The following LIFR variants were observed in gnomAD, a reference collection of about 807,000 sequenced individuals.
LIFR encodes leukemia inhibitory factor receptor.
In LIFR, 84 loss-of-function variants were observed where a neutral mutation model predicts 122.2. The ratio of observed to expected loss-of-function variants is 0.69; its 90% CI spans 0.58 to 0.82. The LOEUF (loss-of-function observed/expected upper bound fraction) is 0.82. Ranked by LOEUF, LIFR falls within the 40% of genes least tolerant of loss-of-function variation. The pLI, the probability that LIFR is intolerant of heterozygous loss-of-function variation, is 0.00. For missense variants in LIFR, 1,294 were observed against 1,311.6 expected (o/e 0.99, Z 0.21); for synonymous variants, 422 against 434.7 (o/e 0.97, Z 0.36).
intron 1 of LIFR, among the ~76,000 whole-genome samples, chr5:38,593,144 G>T (rs554773395): frequency 6.6e-6 from 1 of 151,708 alleles, no homozygotes; most frequent in Admixed American, 6.6e-5. Flanking sequence ...CGGAGGTTGC[G>T]GTGAGCCGAG....
intron 2 of LIFR, among the ~76,000 whole-genome samples, chr5:38,603,376 G>C (rs1750259594): frequency 6.6e-6 from 1 of 152,170 alleles, no homozygotes; most frequent in Non-Finnish European, 1.5e-5. Context: ...GTCACACTAT[G>C]AGTTATTTTA....
chr5:38,539,601 C>G lies in LIFR; in HGVS notation c.-19-8935G>C, dbSNP rs61442188. 6.0e-3 allele frequency among the ~76,000 whole-genome samples: 917 copies of G among 152,094 alleles called. 11 individuals carry two copies. Among genetic ancestry groups the G allele is most frequent in the African/African-American group, 0.021 (852 of 41,464 alleles). On this transcript the variant is annotated intron_variant, in intron 1 of 19. Coordinates refer to ENST00000453190, the MANE Select transcript of LIFR (RefSeq NM_001127671.2). ...GTAAGCTGACAAACTTTATGCTTTT[C>G]AATGAACCTGTTTGCTATACAAAAA... is the stretch of plus-strand genomic sequence containing the variant.
At chr5:38,590,665 C>T (rs1166860673) in intron 1 of LIFR, among the ~76,000 whole-genome samples, 1 of 152,198 alleles carries the variant, frequency 6.6e-6, no homozygotes, top group Admixed American at 6.5e-5. Context: ...ATTGAGTCCT[C>T]ACTATGTACC....
intron 19 of LIFR, 91 bp downstream of exon 19, chr5:38,482,497 TA>T: frequency 2.7e-6 from 2 of 742,116 alleles, no homozygotes; most frequent in Non-Finnish European, 4.5e-6. Flanking sequence ...ACTTTTTAAT[TA>T]AAATGACATT....
chr5:38,490,206 T>G lies in LIFR; in HGVS notation c.2151A>C (p.Gly717=). 6.6e-7 allele frequency: 1 copy of G among 1,521,636 alleles called. No homozygotes were observed. Among genetic ancestry groups the G allele is most frequent in the Non-Finnish European group, 9.1e-7 (1 of 1,100,776 alleles). The allele number at this position is 1,521,636 out of a possible 1,614,324, so 94.3% of individuals were successfully genotyped here. ...QGYQLLRSMI[G]YIEELAPIVA... is the part of the protein sequence containing the mutation. ...TTAACTTACCCAATTCTTCTATATA[T>G]CCAATCATGGAGCGTAATAATTGAT... Residue 717 remains glycine (G), a synonymous_variant, in exon 15 of 20, where the codon GGA becomes GGC. Transcript: ENST00000453190.
At chr5:38,491,945 A>G (rs1332700086) in intron 14 of LIFR, among the ~76,000 whole-genome samples, 1 of 152,194 alleles carries the variant, frequency 6.6e-6, no homozygotes, top group Non-Finnish European at 1.5e-5. Flanking sequence ...ACAATATTTT[A>G]TAGGGCTCTG....
intron 1 of LIFR, among the ~76,000 whole-genome samples, chr5:38,532,412 A>AT (rs1270443328): frequency 2.0e-5 from 3 of 152,216 alleles, no homozygotes; most frequent in African/African-American, 7.2e-5. Flanking sequence ...CAGGATCCAC[A>AT]TAAGAGACTT....
chr5:38,536,286 A>G (rs978686904), intron 1 of LIFR, among the ~76,000 whole-genome samples: 3 of 152,190 alleles, frequency 2.0e-5, no homozygotes, highest in Admixed American at 1.3e-4. Flanking sequence ...AGATTCAACC[A>G]ACCTTGGATT....
upstream of LIFR, among the ~76,000 whole-genome samples, chr5:38,596,978 T>C (rs139990980): frequency 3.2e-3 from 489 of 152,360 alleles, 3 homozygotes; most frequent in African/African-American, 0.011. Flanking sequence ...AGGTGTTATT[T>C]TGGGGAGCCT....
chr5:38,591,599 G>A (rs1749923395), intron 1 of LIFR, among the ~76,000 whole-genome samples: 1 of 152,202 alleles, frequency 6.6e-6, no homozygotes, highest in African/African-American at 2.4e-5. Flanking sequence ...GCAGATGTTT[G>A]AAGGACACCA....
chr5:38,527,931 A>C (rs1376028673), intron 3 of LIFR, among the ~76,000 whole-genome samples: 1 of 152,170 alleles, frequency 6.6e-6, no homozygotes, highest in Non-Finnish European at 1.5e-5. Context: ...AGGACTTTCC[A>C]TGCCTCTTGC....
At chr5:38,501,997 A>C (rs1174302296) in intron 11 of LIFR, among the ~76,000 whole-genome samples, 1 of 151,336 alleles carries the variant, frequency 6.6e-6, no homozygotes, top group Non-Finnish European at 1.5e-5. Flanking sequence ...TTTTTTTAAA[A>C]AAAAGGCCAA....
chr5:38,576,211 A>G (rs1359906441), intron 1 of LIFR, among the ~76,000 whole-genome samples: 2 of 152,180 alleles, frequency 1.3e-5, no homozygotes, highest in South Asian at 2.1e-4. Context: ...CTAAGTCACT[A>G]TCATCTCTTG....
intron 1 of LIFR, among the ~76,000 whole-genome samples, chr5:38,594,296 G>A (rs1157586468): frequency 6.6e-6 from 1 of 152,126 alleles, no homozygotes; most frequent in East Asian, 1.9e-4. Flanking sequence ...AAAGAAGGAT[G>A]AACAGATGGA....
chr5:38,558,850 C>T (rs1034073704), upstream of LIFR: 1 of 152,130 alleles, frequency 6.6e-6, no homozygotes, highest in African/African-American at 2.4e-5. Flanking sequence ...CATTTCTCTC[C>T]CTAACAAGTG....
At chr5:38,534,750 G>A (rs184132132) in intron 1 of LIFR, among the ~76,000 whole-genome samples, 65 of 152,244 alleles carry the variant, frequency 4.3e-4, no homozygotes, top group Non-Finnish European at 8.5e-4. Flanking sequence ...TGTGACTTGC[G>A]GTGTGAGTGT....
chr5:38,569,660 A>T (rs1749145992), intron 1 of LIFR, among the ~76,000 whole-genome samples: 1 of 152,108 alleles, frequency 6.6e-6, no homozygotes, highest in Non-Finnish European at 1.5e-5. Context: ...TGGTGCCAGA[A>T]AGTTTGGGGA....
At chr5:38,490,383 T>C in intron 14 of LIFR, 92 bp from the exon 15 acceptor site, 1 of 551,840 alleles carries the variant, frequency 1.8e-6, no homozygotes, top group South Asian at 2.9e-5. Flanking sequence ...CTCTAAAATT[T>C]CCAAAGCTAA....
At chr5:38,549,497 T>C (rs1326142995) in intron 1 of LIFR, among the ~76,000 whole-genome samples, 1 of 152,230 alleles carries the variant, frequency 6.6e-6, no homozygotes, top group East Asian at 1.9e-4. Context: ...ATAACTATTA[T>C]AAACAAACTT....
Sources: gnomAD v4.1 joint callset for allele counts (sites outside exome capture counted in the v4.1 genomes callset) on GRCh38, gnomAD v4.1.1 for gene constraint, MANE v1.5 for transcripts, NCBI Gene and HGNC (gene_info 2026-07-23, HGNC 2026-07-21) for gene names.